CPD: variants seen among roughly 807,000 people sequenced by gnomAD.
The protein encoded by CPD is carboxypeptidase D, also known as metallocarboxypeptidase D.
CPD carries 69 observed loss-of-function variants against 138.3 expected under a neutral mutation model. The ratio of observed to expected loss-of-function variants is 0.50; its 90% CI spans 0.41 to 0.61. The LOEUF is 0.61. CPD is among the 20% of genes least tolerant of loss of function. CPD has a pLI of 0.00. For synonymous variants in CPD, 651 were observed against 642.1 expected, an observed-to-expected ratio of 1.01 and a Z score of -0.21; for missense variants, 1,432 against 1,733.3, an observed-to-expected ratio of 0.83 and a Z score of 3.09.
chr17:30,418,522 T>C (rs148367346), intron 2 of CPD, among the ~76,000 whole-genome samples: 1 of 152,326 alleles, frequency 6.6e-6, no homozygotes, highest in African/African-American at 2.4e-5. Flanking sequence ...ATTACAGGCA[T>C]GAGCCACCTC....
chr17:30,457,136 T>C (rs1011656916), intron 17 of CPD, among the ~76,000 whole-genome samples: 3 of 152,134 alleles, frequency 2.0e-5, no homozygotes, highest in African/African-American at 7.2e-5. Context: ...AACTCCCTAT[T>C]CCCCTCTCCC....
chr17:30,460,606 T>C (rs1913445344), intron 17 of CPD, among the ~76,000 whole-genome samples: 1 of 152,204 alleles, frequency 6.6e-6, no homozygotes, highest in African/African-American at 2.4e-5. Flanking sequence ...TTCATTGCTA[T>C]GTAAGAAAAT....
chr17:30,392,231 A>G (rs1911378504), intron 2 of CPD, among the ~76,000 whole-genome samples: 1 of 152,064 alleles, frequency 6.6e-6, no homozygotes, highest in Non-Finnish European at 1.5e-5. Flanking sequence ...GCTGCTCTCT[A>G]ACTCCTGACC....
intron 8 of CPD, among the ~76,000 whole-genome samples, chr17:30,438,392 T>C (rs1410580479): frequency 6.6e-6 from 1 of 152,196 alleles, no homozygotes; most frequent in Non-Finnish European, 1.5e-5. Context: ...CATTGAGTTA[T>C]CAGTTGGACA....
chr17:30,462,538 C>G, intron 20 of CPD, 69 bp downstream of exon 20: 7 of 1,015,288 alleles, frequency 6.9e-6, no homozygotes, highest in South Asian at 1.3e-5. Context: ...GAGAGTGGGT[C>G]ACCTCTCTCA....
intron 2 of CPD, among the ~76,000 whole-genome samples, chr17:30,393,132 A>G (rs1419490478): frequency 6.6e-6 from 1 of 152,248 alleles, no homozygotes; most frequent in Non-Finnish European, 1.5e-5. Flanking sequence ...AAATGTGGCC[A>G]GAAAGCATAT....
chr17:30,402,567 A>G (rs1438718891), intron 2 of CPD, among the ~76,000 whole-genome samples: 1 of 152,218 alleles, frequency 6.6e-6, no homozygotes, highest in Non-Finnish European at 1.5e-5. Flanking sequence ...CTCTGTCTCA[A>G]AAAAACCAAA....
intron 12 of CPD, among the ~76,000 whole-genome samples, chr17:30,447,748 A>G (rs1468798991): frequency 2.6e-5 from 4 of 152,124 alleles, no homozygotes; most frequent in Non-Finnish European, 5.9e-5. Flanking sequence ...CAGGGAAAAC[A>G]TACAGTCCTG....
chr17:30,416,786 C>T (rs1912118525), intron 2 of CPD, among the ~76,000 whole-genome samples: 1 of 152,166 alleles, frequency 6.6e-6, no homozygotes, highest in South Asian at 2.1e-4. Context: ...CCACCAATCA[C>T]TAGCTGTATC....
At chr17:30,424,095 T>C (rs1484372396) in intron 6 of CPD, among the ~76,000 whole-genome samples, 4 of 151,924 alleles carry the variant, frequency 2.6e-5, no homozygotes, top group African/African-American at 9.7e-5. Flanking sequence ...GTGTTCAGGG[T>C]AGTCAGGGTG....
At chr17:30,438,945 T>C (rs1912775689) in intron 8 of CPD, 30 bp from the exon 9 acceptor site, 3 of 1,300,774 alleles carry the variant, frequency 2.3e-6, no homozygotes, top group African/African-American at 1.5e-5. Context: ...TACAAACAAA[T>C]AGAAGTAAAG....
intron 2 of CPD, among the ~76,000 whole-genome samples, chr17:30,395,799 A>G (rs948083287): frequency 1.3e-5 from 2 of 152,174 alleles, no homozygotes; most frequent in African/African-American, 4.8e-5. Context: ...ACAAAAATGA[A>G]AACAGATGTA....
At chr17:30,408,791 C>T (rs1911877357) in intron 2 of CPD, among the ~76,000 whole-genome samples, 1 of 152,098 alleles carries the variant, frequency 6.6e-6, no homozygotes, top group Non-Finnish European at 1.5e-5. Flanking sequence ...TAGTTGAATA[C>T]CCTTTATTTC....
chr17:30,429,809 G>A (rs1437602449), intron 7 of CPD, among the ~76,000 whole-genome samples: 1 of 152,138 alleles, frequency 6.6e-6, no homozygotes, highest in Admixed American at 6.5e-5. Flanking sequence ...ATATGCGGGG[G>A]AAACTAATGA....
At chr17:30,386,903 C>T (rs183330087) in intron 2 of CPD, among the ~76,000 whole-genome samples, 154 of 152,080 alleles carry the variant, frequency 1.0e-3, no homozygotes, top group Non-Finnish European at 1.9e-3. Flanking sequence ...AGGAATAATG[C>T]GTAATGAACG....
intron 2 of CPD, among the ~76,000 whole-genome samples, chr17:30,412,333 A>G (rs556922207): frequency 8.5e-5 from 13 of 152,352 alleles, no homozygotes; most frequent in Non-Finnish European, 1.8e-4. Context: ...ACATGGGATC[A>G]GGGACCCACT....
intron 4 of CPD, 100 bp downstream of exon 4, chr17:30,421,933 G>A (rs1472925555): frequency 9.6e-6 from 9 of 937,824 alleles, no homozygotes; most frequent in Admixed American, 2.8e-5. Flanking sequence ...TATTTTTTGT[G>A]GCTTTTATTT....
intron 2 of CPD, among the ~76,000 whole-genome samples, chr17:30,417,358 G>T (rs1264946881): frequency 6.6e-6 from 1 of 152,054 alleles, no homozygotes; most frequent in Non-Finnish European, 1.5e-5. Context: ...AAAGAAAACT[G>T]AACTTCCTAG....
intron 2 of CPD, among the ~76,000 whole-genome samples, chr17:30,409,765 C>G (rs1167938410): frequency 6.6e-6 from 1 of 151,958 alleles, no homozygotes; most frequent in Non-Finnish European, 1.5e-5. Context: ...ATTAGTCTTG[C>G]TAGCAGTCTA....
Sources: allele counts gnomAD v4.1 joint callset (sites outside exome capture counted in the v4.1 genomes callset), GRCh38; gene constraint gnomAD v4.1.1; transcripts MANE v1.5; gene names NCBI Gene and HGNC (gene_info 2026-07-23, HGNC 2026-07-21).